The following METTL15 variants were observed in gnomAD, a reference collection of about 807,000 sequenced individuals.
The protein encoded by METTL15 is methyltransferase 15, mitochondrial 12S rRNA N4-cytidine.
In METTL15, 34 loss-of-function variants were observed where a neutral mutation model predicts 38.3. That is an observed-to-expected ratio of 0.89 (90% CI 0.68 to 1.18). The LOEUF is 1.18. Among genes scored for constraint, METTL15 ranks in the 50% most tolerant of loss-of-function variants. METTL15 has a pLI of 0.00. For synonymous variants in METTL15, 162 were observed against 170.9 expected, an observed-to-expected ratio of 0.95 and a Z score of 0.41; for missense variants, 438 against 498.4, an observed-to-expected ratio of 0.88 and a Z score of 1.15.
chr11:28,165,759 G>C (rs1003320884), intron 3 of METTL15, among the ~76,000 whole-genome samples: 1 of 151,872 alleles, frequency 6.6e-6, no homozygotes, highest in Non-Finnish European at 1.5e-5. Context: ...TTTCCCATAT[G>C]TTTTCTTCTA....
chr11:28,373,433 C>T (rs1439233368), intron 5 of METTL15, among the ~76,000 whole-genome samples: 4 of 151,954 alleles, frequency 2.6e-5, no homozygotes, highest in Admixed American at 2.0e-4. Context: ...TGAGAAGTGT[C>T]TGTTCATGTC....
intron 6 of METTL15, among the ~76,000 whole-genome samples, chr11:28,439,408 G>T (rs1000727342): frequency 1.3e-5 from 2 of 152,190 alleles, no homozygotes; most frequent in Non-Finnish European, 2.9e-5. Context: ...AAAGGGTTAC[G>T]CAGGACAAAT....
At chr11:28,316,438 T>G (rs1857483839) in intron 6 of METTL15, among the ~76,000 whole-genome samples, 1 of 152,240 alleles carries the variant, frequency 6.6e-6, no homozygotes, top group Admixed American at 6.5e-5. Context: ...AGGAAATAAC[T>G]AACTTGCTTT....
At chr11:28,444,131 T>C (rs1245037121) in intron 6 of METTL15, among the ~76,000 whole-genome samples, 1 of 152,188 alleles carries the variant, frequency 6.6e-6, no homozygotes, top group African/African-American at 2.4e-5. Flanking sequence ...ACTATAATTT[T>C]AACTATTGTT....
At chr11:28,456,314 G>A (rs927930887) in intron 6 of METTL15, among the ~76,000 whole-genome samples, 6 of 152,098 alleles carry the variant, frequency 3.9e-5, no homozygotes, top group Non-Finnish European at 8.8e-5. Flanking sequence ...CACTGCTACT[G>A]CACGGTTTCT....
chr11:28,137,839 C>A (rs1489236749), intron 3 of METTL15, among the ~76,000 whole-genome samples: 1 of 150,360 alleles, frequency 6.7e-6, no homozygotes, highest in Non-Finnish European at 1.5e-5. Flanking sequence ...TTTCTTTAGG[C>A]CAATCAATTA....
intron 6 of METTL15, among the ~76,000 whole-genome samples, chr11:28,495,811 C>A (rs1851531268): frequency 6.6e-6 from 1 of 151,474 alleles, no homozygotes; most frequent in Non-Finnish European, 1.5e-5. Flanking sequence ...AAAATCCAGG[C>A]CTAAAGAAGA....
chr11:28,118,025 C>T (rs532478926), intron 3 of METTL15, among the ~76,000 whole-genome samples: 3 of 151,252 alleles, frequency 2.0e-5, no homozygotes, highest in Non-Finnish European at 4.4e-5. Flanking sequence ...TTTTTTGAGA[C>T]GGAGTTTCGC....
chr11:28,421,378 C>T (rs192643452), intron 5 of METTL15, among the ~76,000 whole-genome samples: 1 of 151,838 alleles, frequency 6.6e-6, no homozygotes, highest in East Asian at 1.9e-4. Context: ...CCAGTATTAC[C>T]CTGCTACCAA....
At chr11:28,364,722 G>T (rs1362506255) in intron 5 of METTL15, among the ~76,000 whole-genome samples, 2 of 152,114 alleles carry the variant, frequency 1.3e-5, no homozygotes, top group Non-Finnish European at 2.9e-5. Context: ...ATGTTGAATA[G>T]GAGTGTTATG....
chr11:28,179,178 C>A (rs1011254123), intron 3 of METTL15, among the ~76,000 whole-genome samples: 19 of 151,842 alleles, frequency 1.3e-4, no homozygotes. Context: ...AGTTCAGTTG[C>A]GTTTAATATC....
intron 4 of METTL15, among the ~76,000 whole-genome samples, chr11:28,240,602 A>T (rs965002957): frequency 6.6e-6 from 1 of 152,186 alleles, no homozygotes; most frequent in African/African-American, 2.4e-5. Context: ...ACTAGGATTA[A>T]AATCTTAAAT....
intron 4 of METTL15, among the ~76,000 whole-genome samples, chr11:28,247,898 A>C (rs1259992949): frequency 1.3e-5 from 2 of 152,130 alleles, no homozygotes; most frequent in Non-Finnish European, 2.9e-5. Context: ...AGCTTATTTT[A>C]ACCAACAATT....
chr11:28,375,333 A>G (rs1387944548), intron 5 of METTL15, among the ~76,000 whole-genome samples: 2 of 151,622 alleles, frequency 1.3e-5, no homozygotes, highest in East Asian at 3.9e-4. Flanking sequence ...GATTATTGCC[A>G]TAATTTCAGA....
intron 5 of METTL15, among the ~76,000 whole-genome samples, chr11:28,397,859 A>G (rs991226938): frequency 5.3e-5 from 8 of 152,160 alleles, no homozygotes; most frequent in Non-Finnish European, 1.0e-4. Flanking sequence ...TCAATGATAG[A>G]CTGGATTAAG....
intron 3 of METTL15, among the ~76,000 whole-genome samples, chr11:28,347,112 T>C (rs943323794): frequency 1.3e-5 from 2 of 152,222 alleles, no homozygotes; most frequent in Non-Finnish European, 2.9e-5. Context: ...TTCCTTCACC[T>C]CTTCTTCTAA....
intron 2 of METTL15, among the ~76,000 whole-genome samples, chr11:28,111,859 G>C (rs764474594): frequency 8.5e-5 from 13 of 152,148 alleles, no homozygotes; most frequent in Non-Finnish European, 1.3e-4. Flanking sequence ...GAGGGTAGTT[G>C]AGCTTACTTT....
At chr11:28,236,040 C>T (rs1590200133) in intron 4 of METTL15, among the ~76,000 whole-genome samples, 1 of 152,070 alleles carries the variant, frequency 6.6e-6, no homozygotes, top group East Asian at 1.9e-4. Flanking sequence ...TTGTCAAAGG[C>T]CTTTTCTGCA....
chr11:28,460,469 T>C (rs957622278), intron 6 of METTL15, among the ~76,000 whole-genome samples: 1 of 152,132 alleles, frequency 6.6e-6, no homozygotes, highest in Non-Finnish European at 1.5e-5. Flanking sequence ...TGGCTTCCTT[T>C]AATATTATGA....
Sources: allele counts gnomAD v4.1 joint callset (sites outside exome capture counted in the v4.1 genomes callset), GRCh38; gene constraint gnomAD v4.1.1; transcripts MANE v1.5; gene names NCBI Gene and HGNC (gene_info 2026-07-23, HGNC 2026-07-21).